ZNF48: variants seen among roughly 807,000 people sequenced by gnomAD.
ZNF48 encodes zinc finger protein 48, also known as zinc finger protein 553.
In ZNF48, 20 loss-of-function variants were observed where a neutral mutation model predicts 40.0. The observed-to-expected ratio is 0.50, with a 90% CI of 0.35 to 0.73. The LOEUF (loss-of-function observed/expected upper bound fraction) is 0.73, where lower values mean the gene tolerates loss of function less well. ZNF48 is among the 30% of genes least tolerant of loss of function. The pLI is 0.01. For synonymous variants in ZNF48, 298 were observed against 329.7 expected, an observed-to-expected ratio of 0.90 and a Z score of 1.04; for missense variants, 726 against 851.9, an observed-to-expected ratio of 0.85 and a Z score of 1.84.
chr16:30,397,587 G>C lies in ZNF48; in HGVS notation c.337G>C (p.Val113Leu). ...WGQASSDRAA[V>L]CGECGKSFRQ... is the part of the protein sequence containing the mutation. Reference sequence around the variant, plus strand: ...CCAGGCTAGTAGTGATCGGGCCGCTGTGTGTGGTGAGTGTGGCAAAAGCTT... The same window carrying C: ...CCAGGCTAGTAGTGATCGGGCCGCTCTGTGTGGTGAGTGTGGCAAAAGCTT... The change falls in exon 3 of 3, where the codon GTG becomes CTG. Residue 113 changes from valine to leucine, a missense_variant. By Grantham distance (32) the Val-to-Leu change is conservative. Around this residue, in one of 5 missense-constraint regions of ZNF48, gnomAD observed 151 missense variants for 162.3 expected, o/e 0.93. Transcript: ENST00000613509. The surrounding 1 kb of genome is among the most constrained non-coding windows in gnomAD (Gnocchi z 4.1). 1 of 1,614,132 alleles carries C rather than the reference G, an allele frequency of 6.2e-7. No homozygotes were observed. Among genetic ancestry groups the C allele is most frequent in the Non-Finnish European group, 8.5e-7 (1 of 1,180,022 alleles).
rs1224773328 is a variant in ZNF48 at position 30,382,849 on chromosome 16, G to C, written c.-16+4439G>C. On this transcript the variant is annotated intron_variant, in intron 1 of 2. Coordinates refer to the ZNF48 transcript ENST00000528032. This position sits in a 1 kb window ranked among gnomAD's most constrained non-coding sequence, Gnocchi z 4.8. ...AGGAAGTGGCTCCCTTTGTTAGCAG[G>C]GGAGATGAAGGTTTTGATGAGCTGA... The C allele has an allele frequency of 7.0e-7, 1 of 1,430,028 alleles. No homozygotes were observed. Among genetic ancestry groups the C allele is most frequent in the Admixed American group, 2.0e-5 (1 of 50,842 alleles). The allele number at this position is 1,430,028 out of a possible 1,614,324, so 88.6% of individuals were successfully genotyped here.
In ZNF48 at chr16:30,398,517, C is replaced by T; in HGVS notation, c.1267C>T (p.Pro423Ser). The stretch of plus-strand genomic sequence containing the variant: ...TCGAAGTCCCTCACACTCGGGTGAG[C>T]CTTTTGGCCTGCCTGGCTTGGAGCC... ...TPRSPSHSGE[P>S]FGLPGLEPEP... The change falls in exon 3 of 3, where the codon CCT becomes TCT. Residue 423 changes from proline to serine, a missense_variant. Transcript: ENST00000613509. The surrounding 1 kb of genome is among the most constrained non-coding windows in gnomAD (Gnocchi z 6.6). 1 of 1,600,300 alleles carries T rather than the reference C, an allele frequency of 6.2e-7. No individual in the cohort carries two copies. Among genetic ancestry groups the T allele is most frequent in the African/African-American group, 1.3e-5 (1 of 74,680 alleles).
Position 30,399,550 on chromosome 16 carries a change from T to C in ZNF48, c.*443T>C, listed in dbSNP as rs1329388414. 6.4e-6 allele frequency: 1 copy of C among 155,778 alleles called. No homozygotes were observed. Among genetic ancestry groups the C allele is most frequent in the Admixed American group, 6.4e-5 (1 of 15,580 alleles). 9.6% of individuals were successfully genotyped at this position (155,778 alleles called of 1,614,324 possible). A position where few individuals can be genotyped will look rare whatever the true frequency, so the allele number is the denominator to read the frequency against. On this transcript the variant is annotated 3_prime_UTR_variant, in exon 3 of 3. Coordinates refer to ENST00000613509, the MANE Select transcript of ZNF48 (RefSeq NM_001214909.2). ...AAGTTTGAGGCTGCAGTGAGCTGAT[T>C]GCACCACTGATGCCTCCCAACCTTG... is the stretch of plus-strand genomic sequence containing the variant.
chr16:30,398,480 C>T lies in ZNF48; in HGVS notation c.1230C>T (p.Pro410=). 6.3e-7 allele frequency: 1 copy of T among 1,587,556 alleles called. No individual in the cohort carries two copies. The highest frequency in any genetic ancestry group is 1.7e-5 in the Admixed American group (1 of 58,128). Residue 410 remains proline (P), a synonymous_variant, in exon 3 of 3, where the codon CCC becomes CCT. Coordinates refer to ENST00000613509, the MANE Select transcript of ZNF48 (RefSeq NM_001214909.2). This position sits in a 1 kb window ranked among gnomAD's most constrained non-coding sequence, Gnocchi z 6.6. ...CCCCACCTCCTCTGGGCACCAGCCC[C>T]CCGCTGACACCTCGAAGTCCCTCAC... ...SPPPPPLGTS[P]PLTPRSPSHS...
intron 1 of ZNF48, chr16:30,378,972 G>A (rs981145726): frequency 1.9e-6 from 3 of 1,581,450 alleles, no homozygotes; most frequent in African/African-American, 1.3e-5. Flanking sequence ...GGTCATGGGT[G>A]AGGCGGGACC....
At chr16:30,394,030 CTTTT>C (rs761579523), upstream of ZNF48, among the ~76,000 whole-genome samples, 2 of 143,284 alleles carry the variant, frequency 1.4e-5, no homozygotes, top group African/African-American at 5.1e-5. Context: ...TTCTCTCTCT[CTTTT>C]TTTTTTTTTT....
chr16:30,379,928 A>G (rs747345146), intron 1 of ZNF48: 1 of 1,484,660 alleles, frequency 6.7e-7, no homozygotes, highest in East Asian at 2.3e-5. Flanking sequence ...TTTGTTTCCC[A>G]CACCTTCATC....
chr16:30,378,770 A>C (rs1047308484), intron 1 of ZNF48: 40 of 1,396,442 alleles, frequency 2.9e-5, no homozygotes, highest in Admixed American at 6.0e-5. Context: ...CCCAGGAGGC[A>C]GGGCCTGGGG....
rs1289302780 is a variant in ZNF48, at chr16:30,382,405, G to A, written c.-16+3995G>A. 1 of 1,575,678 alleles carries A rather than the reference G, an allele frequency of 6.3e-7. No homozygotes were observed. Among genetic ancestry groups the A allele is most frequent in the African/African-American group, 1.3e-5 (1 of 74,102 alleles). The stretch of plus-strand genomic sequence containing the variant: ...GGACAATATGAGGCTGCTGGCAATG[G>A]CAGGCAGGGTCCCCAGGATCACTTG... On this transcript the variant is annotated intron_variant, in intron 1 of 2. Transcript: ENST00000528032. This position sits in a 1 kb window ranked among gnomAD's most constrained non-coding sequence, Gnocchi z 4.8.
Position 30,381,751 on chromosome 16 carries a change from C to G in ZNF48, c.-16+3341C>G. On this transcript the variant is annotated intron_variant, in intron 1 of 2. Coordinates refer to the ZNF48 transcript ENST00000528032. The surrounding 1 kb of genome is among the most constrained non-coding windows in gnomAD (Gnocchi z 4.3). ...AGGCTGAGCCTCTGTCCCCTTTCCT[C>G]TTCCTCACCAGTCAGAGCAGTCCAC... The G allele has an allele frequency of 6.2e-7, 1 of 1,613,836 alleles. No homozygotes were observed. The highest frequency in any genetic ancestry group is 8.5e-7 in the Non-Finnish European group (1 of 1,179,896).
upstream of ZNF48, among the ~76,000 whole-genome samples, chr16:30,392,057 C>A (rs915030545): frequency 6.6e-6 from 1 of 152,234 alleles, no homozygotes; most frequent in Non-Finnish European, 1.5e-5. Context: ...GCGTATCGCT[C>A]TGTCGCCCAG....
intron 1 of ZNF48, chr16:30,380,963 C>G (rs942093756): frequency 7.6e-5 from 53 of 696,690 alleles, no homozygotes; most frequent in Non-Finnish European, 1.2e-4. Flanking sequence ...CCTTCAGAGA[C>G]ATGGCTATGC....
rs1458846248 is a variant in ZNF48 at position 30,399,938 on chromosome 16, A to G, written c.*831A>G. 6.6e-6 allele frequency: 1 copy of G among 152,228 alleles called. No individual in the cohort carries two copies. Among genetic ancestry groups the G allele is most frequent in the Non-Finnish European group, 1.5e-5 (1 of 68,106 alleles). 9.4% of individuals were successfully genotyped at this position (152,228 alleles called of 1,614,324 possible). ...TCTGAGGCCTGGCAGCCACATTTCCATGTGTCTTTTTACCAATAAACGGCT... is the reference window on the plus strand; with the variant it reads ...TCTGAGGCCTGGCAGCCACATTTCCGTGTGTCTTTTTACCAATAAACGGCT... On this transcript the variant is annotated 3_prime_UTR_variant, in exon 3 of 3. Coordinates refer to ENST00000613509, the MANE Select transcript of ZNF48 (RefSeq NM_001214909.2).
chr16:30,386,743 C>G (rs150304673), intron 1 of ZNF48, among the ~76,000 whole-genome samples: 5,512 of 151,972 alleles, frequency 0.036, 351 homozygotes, highest in African/African-American at 0.13. Context: ...CGGCTCACTG[C>G]AACCTCTGCC....
Position 30,398,992 on chromosome 16 carries a change from G to A in ZNF48, c.1742G>A (p.Gly581Asp), listed in dbSNP as rs780675170. 5.6e-6 allele frequency: 9 copies of A among 1,613,954 alleles called. No homozygotes were observed. Among genetic ancestry groups the A allele is most frequent in the Non-Finnish European group, 7.6e-6 (9 of 1,180,022 alleles). Reference protein sequence around the residue: ...YKCAECGKGFGDSSARIKHQR... With the variant: ...YKCAECGKGFDDSSARIKHQR... Reference sequence around the variant, plus strand: ...TGTGCAGAGTGTGGCAAGGGTTTTGGTGACAGTTCTGCCCGCATCAAGCAC... The same window carrying A: ...TGTGCAGAGTGTGGCAAGGGTTTTGATGACAGTTCTGCCCGCATCAAGCAC... The change falls in exon 3 of 3, where the codon GGT (glycine) becomes GAT (aspartate). Residue 581 changes from glycine to aspartate, a missense_variant. Gly to Asp is a moderately conservative substitution (Grantham distance 94). Around this residue, in one of 5 missense-constraint regions of ZNF48, gnomAD observed 166 missense variants for 163.6 expected, o/e 1.01. Coordinates refer to ENST00000613509, the MANE Select transcript of ZNF48 (RefSeq NM_001214909.2). The surrounding 1 kb of genome is among the most constrained non-coding windows in gnomAD (Gnocchi z 6.6).
At chr16:30,380,915 C>T in intron 1 of ZNF48, 4 of 601,710 alleles carry the variant, frequency 6.6e-6, no homozygotes, top group Non-Finnish European at 1.2e-5. Flanking sequence ...CTCAGCCAGG[C>T]ATCTAGCCCG....
In ZNF48 at chr16:30,398,053, C is replaced by G. The variant is rs1422969120; in HGVS notation, c.803C>G (p.Pro268Arg). 1.2e-6 allele frequency: 2 copies of G among 1,612,092 alleles called. No individual in the cohort carries two copies. Among genetic ancestry groups the G allele is most frequent in the Non-Finnish European group, 8.5e-7 (1 of 1,178,930 alleles). ...SRAATAATQG[P>R]KAQDKPYICT... ...GCAGCCACGGCAGCTACCCAGGGAC[C>G]GAAGGCCCAGGACAAGCCATATATC... Residue 268 changes from proline (P) to arginine (R), a missense_variant, in exon 3 of 3, where the codon CCG becomes CGG. By Grantham distance (103) the Pro-to-Arg change is moderately radical. Transcript: ENST00000613509. The surrounding 1 kb of genome is among the most constrained non-coding windows in gnomAD (Gnocchi z 6.6).
chr16:30,394,126 T>C (rs1264847517), upstream of ZNF48, among the ~76,000 whole-genome samples: 1 of 151,984 alleles, frequency 6.6e-6, no homozygotes, highest in Admixed American at 6.6e-5. Flanking sequence ...CATCCTTGAA[T>C]GCCCAGGTTC....
rs1451057159 is a variant in ZNF48, at chr16:30,382,787, A to G, written c.-16+4377A>G. 2 of 1,532,358 alleles carry G rather than the reference A, an allele frequency of 1.3e-6. 1 individual carries two copies. The highest frequency in any genetic ancestry group is 3.9e-5 in the Admixed American group (2 of 50,968). 94.9% of individuals were successfully genotyped at this position (1,532,358 alleles called of 1,614,324 possible). On this transcript the variant is annotated intron_variant, in intron 1 of 2. Transcript: ENST00000528032. The surrounding 1 kb of genome is among the most constrained non-coding windows in gnomAD (Gnocchi z 4.8). ...GGATTCCAAGTCCCACTGTAGCTCCATCATCGTGGTGAGACATGGGGTATG... is the reference window on the plus strand; with the variant it reads ...GGATTCCAAGTCCCACTGTAGCTCCGTCATCGTGGTGAGACATGGGGTATG...
Sources: gnomAD v4.1 joint callset for allele counts (sites outside exome capture counted in the v4.1 genomes callset) on GRCh38, gnomAD v4.1.1 for gene constraint, gnomAD v4.1.1 regional missense constraint, Gnocchi (gnomAD v3.1) non-coding constraint, MANE v1.5 for transcripts, NCBI Gene and HGNC (gene_info 2026-07-23, HGNC 2026-07-21) for gene names.